The following SAMMSON variants were observed in gnomAD, a reference collection of about 807,000 sequenced individuals.
SAMMSON encodes the protein long intergenic non-protein coding RNA 1212.
chr3:70,095,135 G>A (rs2067318854), intron 4 of SAMMSON, among the ~76,000 whole-genome samples: 1 of 152,168 alleles, frequency 6.6e-6, no homozygotes, highest in South Asian at 2.1e-4. Context: ...AAGAATGGAG[G>A]TCAGGGTTCA....
chr3:70,133,629 G>C (rs2067492890), intron 4 of SAMMSON, among the ~76,000 whole-genome samples: 1 of 152,064 alleles, frequency 6.6e-6, no homozygotes. Context: ...GTAGTCTTGT[G>C]GGAATGAGCT....
intron 4 of SAMMSON, among the ~76,000 whole-genome samples, chr3:70,187,249 G>C (rs1160325420): frequency 6.6e-5 from 10 of 152,022 alleles, no homozygotes; most frequent in Admixed American, 6.6e-4. Context: ...GCCTTTTATG[G>C]TTTCATCAGA....
chr3:70,282,205 G>T (rs1047789589), intron 6 of SAMMSON, among the ~76,000 whole-genome samples: 3 of 152,108 alleles, frequency 2.0e-5, no homozygotes, highest in Non-Finnish European at 4.4e-5. Context: ...CTTCTTTCCT[G>T]GCAGTATTTG....
downstream of SAMMSON, among the ~76,000 whole-genome samples, chr3:70,390,975 G>A (rs560405949): frequency 6.6e-6 from 1 of 152,070 alleles, no homozygotes; most frequent in Non-Finnish European, 1.5e-5. Context: ...ACAAATTCAT[G>A]TTAAGTTGAC....
chr3:70,312,331 C>T (rs1702461217), intron 7 of SAMMSON, among the ~76,000 whole-genome samples: 1 of 152,134 alleles, frequency 6.6e-6, no homozygotes, highest in South Asian at 2.1e-4. Flanking sequence ...GAAAAGCATG[C>T]TGCAAAGTGG....
At position 70,247,002 on chromosome 3, in the gene SAMMSON, T is replaced by C. The variant is rs184383053; in HGVS notation, n.508-2105T>C. On this transcript the variant is annotated intron_variant and non_coding_transcript_variant, in intron 4 of 9. Coordinates refer to ENST00000642114, the Ensembl canonical transcript of SAMMSON. ...GCTCAGGGCATATCATAATAATCAG[T>C]GAGTGGTCGCCTATCTGTTTCCATG... Among the ~76,000 whole-genome samples, 399 of 152,176 alleles carry C rather than the reference T, an allele frequency of 2.6e-3. 1 individual carries two copies. The highest frequency in any genetic ancestry group is 0.014 in the Middle Eastern group (4 of 294).
rs1324790767 is a variant in SAMMSON, at chr3:70,289,544, T to G, written n.675-1635T>G. On this transcript the variant is annotated intron_variant and non_coding_transcript_variant, in intron 6 of 9. Coordinates refer to ENST00000642114, the Ensembl canonical transcript of SAMMSON. Reference sequence around the variant, plus strand: ...AATCTGACAATTATGTGTCTTGGAGTTGCTCTTCTCGAGGAGTATCTTTGT... The same window carrying G: ...AATCTGACAATTATGTGTCTTGGAGGTGCTCTTCTCGAGGAGTATCTTTGT... Among the ~76,000 whole-genome samples, 19 of 148,040 alleles carry G rather than the reference T, an allele frequency of 1.3e-4. No individual in the cohort carries two copies. In the East Asian group the frequency reaches 1.6e-3, roughly 13 times the overall value.
chr3:70,254,657 A>G (rs532578491), intron 6 of SAMMSON, among the ~76,000 whole-genome samples: 6 of 152,290 alleles, frequency 3.9e-5, no homozygotes, highest in African/African-American at 1.2e-4. Flanking sequence ...GAAGTTTACT[A>G]TTTAAGTTTA....
intron 3 of SAMMSON, chr3:70,068,947 G>A (rs2067220150): frequency 6.6e-6 from 1 of 152,106 alleles, no homozygotes; most frequent in South Asian, 2.1e-4. Context: ...AAATGTTCAA[G>A]AGTATTTATT....
At chr3:70,001,065 T>C (rs1241582028) in intron 1 of SAMMSON, among the ~76,000 whole-genome samples, 1 of 152,168 alleles carries the variant, frequency 6.6e-6, no homozygotes, top group Admixed American at 6.5e-5. Context: ...CTTGGCTCTC[T>C]GTATGGGCAC....
At chr3:70,131,836 C>T (rs1423246180) in intron 4 of SAMMSON, among the ~76,000 whole-genome samples, 3 of 152,044 alleles carry the variant, frequency 2.0e-5, no homozygotes, top group African/African-American at 7.2e-5. Flanking sequence ...CCTCAGCCTC[C>T]CAAAGTGTTG....
At chr3:70,115,398 C>T (rs1319871464) in intron 4 of SAMMSON, among the ~76,000 whole-genome samples, 1 of 151,972 alleles carries the variant, frequency 6.6e-6, no homozygotes. Context: ...GATTCTAAAA[C>T]AAAAGTTACC....
chr3:70,328,939 T>C (rs1451964032), intron 7 of SAMMSON, among the ~76,000 whole-genome samples: 1 of 151,998 alleles, frequency 6.6e-6, no homozygotes, highest in African/African-American at 2.4e-5. Context: ...AAATGACACA[T>C]TACACAGAAT....
chr3:70,324,058 G>T (rs1264839745), intron 7 of SAMMSON, among the ~76,000 whole-genome samples: 2 of 151,992 alleles, frequency 1.3e-5, no homozygotes, highest in African/African-American at 4.8e-5. Context: ...TGAAGCCCCA[G>T]AATCAGAAAG....
At chr3:70,431,074 A>G (rs1341388722) in intron 2 of SAMMSON, among the ~76,000 whole-genome samples, 1 of 152,076 alleles carries the variant, frequency 6.6e-6, no homozygotes, top group Non-Finnish European at 1.5e-5. Context: ...TTGAGTTATT[A>G]TTTGATGGAA....
intron 4 of SAMMSON, among the ~76,000 whole-genome samples, chr3:70,225,261 T>C (rs1701492677): frequency 6.6e-6 from 1 of 152,204 alleles, no homozygotes; most frequent in African/African-American, 2.4e-5. Flanking sequence ...AATAAACTTT[T>C]CCCCAGATTT....
intron 6 of SAMMSON, among the ~76,000 whole-genome samples, chr3:70,289,786 C>T (rs928666603): frequency 6.6e-6 from 1 of 152,046 alleles, no homozygotes; most frequent in African/African-American, 2.4e-5. Flanking sequence ...TCTAAACTTT[C>T]CTTCTCGCTT....
At chr3:70,268,307 T>A (rs532067229) in intron 6 of SAMMSON, among the ~76,000 whole-genome samples, 1 of 152,048 alleles carries the variant, frequency 6.6e-6, no homozygotes, top group Admixed American at 6.6e-5. Flanking sequence ...ACCCACCGTC[T>A]GTACTAAAAT....
chr3:70,154,853 G>T (rs991420465), intron 4 of SAMMSON, among the ~76,000 whole-genome samples: 1 of 151,952 alleles, frequency 6.6e-6, no homozygotes, highest in African/African-American at 2.4e-5. Flanking sequence ...ATGGAGAGGG[G>T]CATCCCCAGG....
Sources: allele counts gnomAD v4.1 joint callset (sites outside exome capture counted in the v4.1 genomes callset), GRCh38; gene constraint gnomAD v4.1.1; transcripts MANE v1.5; gene names NCBI Gene and HGNC (gene_info 2026-07-23, HGNC 2026-07-21).